Variants in FMN2 observed in about 807,000 individuals in gnomAD.
FMN2 encodes formin 2.
FMN2 carries 51 observed loss-of-function variants against 142.3 expected under a neutral mutation model. That is an observed-to-expected ratio of 0.36 (90% CI 0.29 to 0.45). The LOEUF (loss-of-function observed/expected upper bound fraction) is 0.45, where lower values mean the gene tolerates loss of function less well. Ranked by LOEUF, FMN2 falls within the 20% of genes least tolerant of loss-of-function variation. FMN2 has a pLI of 1.00. For missense variants in FMN2, 1,936 were observed against 2,122.8 expected (o/e 0.91, Z 1.73); for synonymous variants, 882 against 869.8 (o/e 1.01, Z -0.25).
At chr1:240,442,466 C>T (rs1413581484) in intron 16 of FMN2, among the ~76,000 whole-genome samples, 1 of 152,162 alleles carries the variant, frequency 6.6e-6, no homozygotes, top group East Asian at 1.9e-4. Flanking sequence ...AGAACAGTTT[C>T]CCCAAAAAAG....
At chr1:240,393,823 C>G (rs1222260717) in intron 15 of FMN2, among the ~76,000 whole-genome samples, 1 of 152,160 alleles carries the variant, frequency 6.6e-6, no homozygotes, top group Non-Finnish European at 1.5e-5. Context: ...AATAGAAGAT[C>G]AAACCAGCCA....
intron 15 of FMN2, among the ~76,000 whole-genome samples, chr1:240,420,301 C>T (rs1342424147): frequency 1.3e-5 from 2 of 152,136 alleles, no homozygotes; most frequent in Admixed American, 6.6e-5. Context: ...CTTCCACATT[C>T]CTTCCTCTTC....
chr1:240,401,498 G>A lies in FMN2; in HGVS notation c.4910+8936G>A, dbSNP rs572573044. Among the ~76,000 whole-genome samples the A allele has an allele frequency of 4.6e-5, 7 of 152,270 alleles. No homozygotes were observed. The South Asian group carries it at 8.3e-4, about 18-fold the overall frequency. Reference sequence around the variant, plus strand: ...AGGTTCCTAATCCATGGAATTGGCTGGTGAGATTCTGTTTTTATCTCAGTG... The same window carrying A: ...AGGTTCCTAATCCATGGAATTGGCTAGTGAGATTCTGTTTTTATCTCAGTG... On this transcript the variant is annotated intron_variant, in intron 15 of 17. Transcript: ENST00000319653.
intron 2 of FMN2, among the ~76,000 whole-genome samples, chr1:240,133,867 GTGAAGGTTCCT>G (rs1233629958): frequency 1.3e-5 from 2 of 152,168 alleles, no homozygotes; most frequent in Admixed American, 6.5e-5. Context: ...TAAATATTGT[GTGAAGGTTCCT>G]TGAACAATGT....
At chr1:240,450,112 C>A (rs1675959153) in intron 16 of FMN2, among the ~76,000 whole-genome samples, 1 of 151,982 alleles carries the variant, frequency 6.6e-6, no homozygotes, top group South Asian at 2.1e-4. Flanking sequence ...TTCTAAAATT[C>A]TTGGTGTTTT....
intron 8 of FMN2, among the ~76,000 whole-genome samples, chr1:240,314,026 T>C (rs1005003456): frequency 6.6e-6 from 1 of 151,876 alleles, no homozygotes; most frequent in Non-Finnish European, 1.5e-5. Flanking sequence ...AACGTGTACA[T>C]TTTTTTTCAA....
At chr1:240,274,699 G>A (rs1279188737) in intron 7 of FMN2, among the ~76,000 whole-genome samples, 1 of 152,116 alleles carries the variant, frequency 6.6e-6, no homozygotes, top group Non-Finnish European at 1.5e-5. Context: ...CAACAGATGT[G>A]AGATGCTGGC....
chr1:240,188,353 C>T (rs553253947), intron 4 of FMN2, 91 bp downstream of exon 4: 18 of 1,378,868 alleles, frequency 1.3e-5, no homozygotes, highest in East Asian at 9.4e-5. Context: ...TCCATCTGCC[C>T]GGCTGGCTAG....
chr1:240,464,250 A>G (rs941708019), intron 16 of FMN2, among the ~76,000 whole-genome samples: 3 of 152,168 alleles, frequency 2.0e-5, no homozygotes, highest in African/African-American at 7.2e-5. Context: ...TTACTAATCT[A>G]TAGCCATTCT....
At chr1:240,400,498 G>T (rs755648128) in intron 15 of FMN2, among the ~76,000 whole-genome samples, 36 of 152,208 alleles carry the variant, frequency 2.4e-4, no homozygotes, top group Non-Finnish European at 1.2e-4. Context: ...CTAGGACCTT[G>T]TATGTAAGCA....
intron 2 of FMN2, among the ~76,000 whole-genome samples, chr1:240,140,545 G>T (rs1391164728): frequency 1.3e-5 from 2 of 152,058 alleles, no homozygotes; most frequent in Non-Finnish European, 2.9e-5. Context: ...TCTGTAAAAT[G>T]ACTGCTGGGG....
chr1:240,119,701 A>G (rs1462263649), intron 1 of FMN2, among the ~76,000 whole-genome samples: 1 of 152,174 alleles, frequency 6.6e-6, no homozygotes. Context: ...ATATGCTTTC[A>G]TGGAAGTAGA....
intron 2 of FMN2, among the ~76,000 whole-genome samples, chr1:240,159,921 A>ATTTGTG (rs1373572474): frequency 3.3e-4 from 45 of 137,180 alleles, no homozygotes; most frequent in Non-Finnish European, 4.8e-4. Flanking sequence ...ATATATATAT[A>ATTTGTG]TATATATATA....
intron 7 of FMN2, among the ~76,000 whole-genome samples, chr1:240,266,447 A>G (rs570465905): frequency 1.3e-5 from 2 of 151,766 alleles, no homozygotes; most frequent in South Asian, 2.1e-4. Context: ...ATTCTTTTCC[A>G]TAGGTCTTTT....
At chr1:240,116,891 A>G (rs1662045892) in intron 1 of FMN2, among the ~76,000 whole-genome samples, 1 of 152,138 alleles carries the variant, frequency 6.6e-6, no homozygotes, top group Non-Finnish European at 1.5e-5. Flanking sequence ...AATTCCGGTT[A>G]GTAGTTTTGA....
chr1:240,266,351 A>G (rs368088269), intron 7 of FMN2, among the ~76,000 whole-genome samples: 42 of 152,164 alleles, frequency 2.8e-4, no homozygotes, highest in African/African-American at 9.6e-4. Flanking sequence ...CATTTATTAA[A>G]TAGGGAGTCC....
At chr1:240,259,322 G>T (rs1435864146) in intron 7 of FMN2, among the ~76,000 whole-genome samples, 1 of 152,058 alleles carries the variant, frequency 6.6e-6, no homozygotes, top group East Asian at 1.9e-4. Flanking sequence ...CTGTGTCTGT[G>T]GTAAAGCCAG....
At chr1:240,238,939 G>C (rs983501918) in intron 6 of FMN2, among the ~76,000 whole-genome samples, 1 of 151,548 alleles carries the variant, frequency 6.6e-6, no homozygotes, top group Admixed American at 6.6e-5. Flanking sequence ...TATCTGTGAC[G>C]ATAGAAGTTA....
intron 15 of FMN2, among the ~76,000 whole-genome samples, chr1:240,425,602 C>T (rs1309525388): frequency 6.6e-6 from 1 of 152,112 alleles, no homozygotes; most frequent in Non-Finnish European, 1.5e-5. Context: ...TGAGACAGTG[C>T]TTATCATTTT....
Sources: gnomAD v4.1 joint callset for allele counts (sites outside exome capture counted in the v4.1 genomes callset) on GRCh38, gnomAD v4.1.1 for gene constraint, MANE v1.5 for transcripts, NCBI Gene and HGNC (gene_info 2026-07-23, HGNC 2026-07-21) for gene names.